Variants in MPRIP observed in about 807,000 individuals in gnomAD.
MPRIP encodes the protein myosin phosphatase Rho-interacting protein.
In MPRIP, 59 loss-of-function variants were observed where a neutral mutation model predicts 234.9. The ratio of observed to expected loss-of-function variants is 0.25; its 90% CI spans 0.20 to 0.31. The LOEUF (loss-of-function observed/expected upper bound fraction) is 0.31, where lower values mean the gene tolerates loss of function less well. Ranked by LOEUF, MPRIP falls within the 10% of genes least tolerant of loss-of-function variation. The probability of loss-of-function intolerance (pLI) is 1.00; values close to 1 mark genes in which losing one functional copy is unlikely to be tolerated. For synonymous variants in MPRIP, 1,144 were observed against 1,263.9 expected (o/e 0.91, Z 2.01); for missense variants, 2,436 against 3,071.0 (o/e 0.79, Z 4.89).
chr17:17,045,429 T>G (rs958306795), intron 1 of MPRIP, among the ~76,000 whole-genome samples: 1 of 152,188 alleles, frequency 6.6e-6, no homozygotes, highest in Non-Finnish European at 1.5e-5. Context: ...GATCAGCTAA[T>G]GTAACCACTT....
intron 1 of MPRIP, among the ~76,000 whole-genome samples, chr17:17,070,586 A>G (rs534554263): frequency 2.6e-5 from 4 of 152,066 alleles, no homozygotes; most frequent in East Asian, 1.9e-4. Context: ...GTATTTTTCA[A>G]TTTCAGGATT....
intron 3 of MPRIP, among the ~76,000 whole-genome samples, chr17:17,086,376 T>A (rs1264612605): frequency 6.6e-6 from 1 of 152,232 alleles, no homozygotes; most frequent in African/African-American, 2.4e-5. Flanking sequence ...CCATCCCGTC[T>A]TGATTTGGTC....
intron 1 of MPRIP, among the ~76,000 whole-genome samples, chr17:17,064,608 T>G (rs2088967217): frequency 6.6e-6 from 1 of 152,200 alleles, no homozygotes; most frequent in Non-Finnish European, 1.5e-5. Context: ...TCCATAAATC[T>G]GACATTTCAA....
At chr17:17,123,437 C>T (rs1266241221) in intron 3 of MPRIP, among the ~76,000 whole-genome samples, 2 of 152,124 alleles carry the variant, frequency 1.3e-5, no homozygotes, top group East Asian at 1.9e-4. Flanking sequence ...CTGAAGCAGG[C>T]GGATCAGTTG....
At chr17:17,049,438 T>TCA (rs201044243) in intron 1 of MPRIP, among the ~76,000 whole-genome samples, 1 of 152,082 alleles carries the variant, frequency 6.6e-6, no homozygotes, top group Admixed American at 6.6e-5. Context: ...AATCGCTCTC[T>TCA]CACACACACA....
chr17:17,118,673 T>C (rs966903939), intron 3 of MPRIP, among the ~76,000 whole-genome samples: 6 of 152,128 alleles, frequency 3.9e-5, no homozygotes, highest in African/African-American at 1.2e-4. Context: ...CTAGGCCCAT[T>C]GTCAGTCCCT....
At position 17,188,486 on chromosome 17, in the gene MPRIP, C is replaced by T. The variant is rs766305922; in HGVS notation, c.*3592C>T. 2.0e-5 allele frequency: 3 copies of T among 152,274 alleles called. No homozygotes were observed. The highest frequency in any genetic ancestry group is 2.9e-5 in the Non-Finnish European group (2 of 68,062). 9.4% of individuals were successfully genotyped at this position (152,274 alleles called of 1,614,324 possible). ...GCAGCAGCCACCAGCTCCCATCACC[C>T]CTTGACCCTCCAGCTCATGCTGGAG... On this transcript the variant is annotated 3_prime_UTR_variant, in exon 24 of 24. Transcript: ENST00000651222.
intron 3 of MPRIP, among the ~76,000 whole-genome samples, chr17:17,123,840 T>C (rs1371996475): frequency 1.3e-5 from 2 of 151,976 alleles, no homozygotes; most frequent in East Asian, 3.9e-4. Flanking sequence ...GGAGTTAAAA[T>C]ATTCCCTTCT....
At chr17:17,179,264 T>C (rs563107980) in intron 22 of MPRIP, among the ~76,000 whole-genome samples, 37 of 151,974 alleles carry the variant, frequency 2.4e-4, no homozygotes, top group Admixed American at 5.9e-4. Flanking sequence ...CTGGCCAACA[T>C]TGTGAAACCC....
chr17:17,184,931 G>A lies in MPRIP; in HGVS notation c.*37G>A, dbSNP rs769132012. 2.4e-5 allele frequency: 34 copies of A among 1,410,116 alleles called. 1 individual carries two copies. The highest frequency in any genetic ancestry group is 1.0e-6 in the Non-Finnish European group (1 of 996,686). 87.4% of individuals were successfully genotyped at this position (1,410,116 alleles called of 1,614,324 possible). On this transcript the variant is annotated 3_prime_UTR_variant, in exon 24 of 24. Coordinates refer to ENST00000651222, the MANE Select transcript of MPRIP (RefSeq NM_001364716.4). The stretch of plus-strand genomic sequence containing the variant: ...CCAAGTTGAGCACGCGCCTTCCCCA[G>A]CTTGCAGCAGCACACCCCAAGCGCT...
intron 1 of MPRIP, among the ~76,000 whole-genome samples, chr17:17,063,572 T>C (rs963504493): frequency 6.6e-6 from 1 of 152,122 alleles, no homozygotes; most frequent in African/African-American, 2.4e-5. Flanking sequence ...GACCCACCTG[T>C]CTGCATCGAC....
At chr17:17,155,630 A>G (rs1234712095) in intron 13 of MPRIP, among the ~76,000 whole-genome samples, 1 of 152,140 alleles carries the variant, frequency 6.6e-6, no homozygotes, top group Non-Finnish European at 1.5e-5. Flanking sequence ...TCCTAAATTG[A>G]TTTCTTTATA....
At chr17:17,143,509 C>T (rs767377969) in intron 8 of MPRIP, 47 bp from the exon 9 acceptor site, 1 of 1,306,452 alleles carries the variant, frequency 7.7e-7, no homozygotes, top group Non-Finnish European at 1.0e-6. Context: ...CCTCACATGC[C>T]CACATTGCCC....
At chr17:17,134,296 G>A (rs531838101) in intron 5 of MPRIP, among the ~76,000 whole-genome samples, 6 of 152,286 alleles carry the variant, frequency 3.9e-5, no homozygotes, top group Admixed American at 2.6e-4. Flanking sequence ...TTGGGGAAGC[G>A]CTGCTGCCGG....
intron 9 of MPRIP, among the ~76,000 whole-genome samples, chr17:17,144,983 A>C (rs892454249): frequency 1.3e-5 from 2 of 152,236 alleles, no homozygotes; most frequent in Non-Finnish European, 1.5e-5. Flanking sequence ...TTTAAGGGCT[A>C]CTTGGGGTAG....
intron 1 of MPRIP, among the ~76,000 whole-genome samples, chr17:17,045,247 C>T (rs368781642): frequency 7.2e-5 from 11 of 152,202 alleles, no homozygotes; most frequent in Non-Finnish European, 1.6e-4. Context: ...CAGCCTTGGC[C>T]GGCTTTTGCT....
At chr17:17,162,081 AGATT>A (rs2045884442) in intron 15 of MPRIP, among the ~76,000 whole-genome samples, 1 of 152,238 alleles carries the variant, frequency 6.6e-6, no homozygotes, top group African/African-American at 2.4e-5. Flanking sequence ...TGTGATAGGA[AGATT>A]GATATATAAA....
intron 1 of MPRIP, among the ~76,000 whole-genome samples, chr17:17,062,980 A>G (rs543847455): frequency 6.6e-6 from 1 of 152,354 alleles, no homozygotes; most frequent in East Asian, 1.9e-4. Flanking sequence ...CAGTGGCACA[A>G]CTGGAGACTT....
intron 15 of MPRIP, among the ~76,000 whole-genome samples, chr17:17,161,987 C>CT (rs2045881507): frequency 6.6e-6 from 1 of 152,252 alleles, no homozygotes; most frequent in Non-Finnish European, 1.5e-5. Context: ...TGTCTGCTGA[C>CT]TTTCCTGCAG....
Sources: gnomAD v4.1 joint callset for allele counts (sites outside exome capture counted in the v4.1 genomes callset) on GRCh38, gnomAD v4.1.1 for gene constraint, MANE v1.5 for transcripts, NCBI Gene and HGNC (gene_info 2026-07-23, HGNC 2026-07-21) for gene names.